The following GABRB2 variants were observed in gnomAD, a reference collection of about 807,000 sequenced individuals.
The protein encoded by GABRB2 is gamma-aminobutyric acid type A receptor subunit beta2, also known as gamma-aminobutyric acid receptor subunit beta-2.
A neutral mutation model predicts 54.7 loss-of-function variants in GABRB2; 16 were observed. The ratio of observed to expected loss-of-function variants is 0.29; its 90% CI spans 0.20 to 0.44. The LOEUF is 0.44. GABRB2 is among the 20% of genes least tolerant of loss of function. The pLI is 1.00. For missense variants in GABRB2, 355 were observed against 644.0 expected (o/e 0.55, Z 4.86); for synonymous variants, 244 against 233.8 (o/e 1.04, Z -0.40).
At chr5:161,437,216 T>C (rs990112976) in intron 4 of GABRB2, among the ~76,000 whole-genome samples, 3 of 151,826 alleles carry the variant, frequency 2.0e-5, no homozygotes, top group South Asian at 4.2e-4. Flanking sequence ...GCTGCACAGC[T>C]TGTGGCTCCA....
chr5:161,443,182 T>G (rs1247841575), intron 4 of GABRB2, among the ~76,000 whole-genome samples: 1 of 152,210 alleles, frequency 6.6e-6, no homozygotes, highest in Non-Finnish European at 1.5e-5. Flanking sequence ...TATTTTAAAT[T>G]TAGTTATATG....
intron 5 of GABRB2, among the ~76,000 whole-genome samples, chr5:161,399,421 T>G (rs570788798): frequency 2.0e-5 from 3 of 152,072 alleles, no homozygotes; most frequent in Non-Finnish European, 4.4e-5. Flanking sequence ...AGGACTGGGT[T>G]GAATGGAGAG....
At chr5:161,490,143 A>G (rs1759056614) in intron 3 of GABRB2, among the ~76,000 whole-genome samples, 1 of 151,704 alleles carries the variant, frequency 6.6e-6, no homozygotes, top group South Asian at 2.1e-4. Flanking sequence ...CCACTTACCT[A>G]TACTTACTGT....
intron 9 of GABRB2, among the ~76,000 whole-genome samples, chr5:161,296,647 AT>A (rs1237367462): frequency 1.3e-5 from 2 of 149,372 alleles, no homozygotes; most frequent in Non-Finnish European, 2.9e-5. Flanking sequence ...TAGTTACATA[AT>A]TTTTTATTCA....
intron 5 of GABRB2, among the ~76,000 whole-genome samples, chr5:161,343,825 T>C (rs920149747): frequency 6.6e-6 from 1 of 152,106 alleles, no homozygotes; most frequent in African/African-American, 2.4e-5. Context: ...GATTTGTCCA[T>C]ATGCATGGGC....
intron 9 of GABRB2, among the ~76,000 whole-genome samples, chr5:161,322,420 GA>G (rs1024314620): frequency 6.6e-6 from 1 of 152,018 alleles, no homozygotes; most frequent in African/African-American, 2.4e-5. Flanking sequence ...ACTTTTTCTA[GA>G]GACAGGATTT....
intron 4 of GABRB2, among the ~76,000 whole-genome samples, chr5:161,457,806 T>G (rs776040685): frequency 6.6e-6 from 1 of 152,204 alleles, no homozygotes; most frequent in Non-Finnish European, 1.5e-5. Context: ...TTTGCCTACA[T>G]GCATTTATGA....
At chr5:161,410,016 G>T (rs933482959) in intron 5 of GABRB2, among the ~76,000 whole-genome samples, 1 of 151,992 alleles carries the variant, frequency 6.6e-6, no homozygotes, top group African/African-American at 2.4e-5. Context: ...CCATATTTCT[G>T]CTCACAGCAA....
chr5:161,291,782 A>G lies in GABRB2; in HGVS notation c.*2299T>C, dbSNP rs1757244259. 1 of 152,560 alleles carries G rather than the reference A, an allele frequency of 6.6e-6. No homozygotes were observed. Among genetic ancestry groups the G allele is most frequent in the East Asian group, 1.9e-4 (1 of 5,192 alleles). The allele number at this position is 152,560 out of a possible 1,614,324, so 9.5% of individuals were successfully genotyped here. On this transcript the variant is annotated 3_prime_UTR_variant, in exon 10 of 10. Transcript: ENST00000393959. ...TGATTGCACATAAGAGCCCACTTCT[A>G]CACTTGGGCTCTGAGTTGACTCTAG...
At chr5:161,353,335 G>A (rs111957352) in intron 5 of GABRB2, among the ~76,000 whole-genome samples, 1,546 of 152,084 alleles carry the variant, frequency 0.01, 34 homozygotes, top group South Asian at 0.05. Flanking sequence ...CCTGTTGCAG[G>A]ACTGGACAGA....
At chr5:161,499,596 C>T (rs1330035215) in intron 3 of GABRB2, among the ~76,000 whole-genome samples, 4 of 152,164 alleles carry the variant, frequency 2.6e-5, no homozygotes, top group African/African-American at 9.7e-5. Context: ...AATGGCCATG[C>T]AGTATTTTTA....
intron 3 of GABRB2, among the ~76,000 whole-genome samples, chr5:161,476,197 T>C (rs1001882569): frequency 6.6e-6 from 1 of 151,772 alleles, no homozygotes; most frequent in Non-Finnish European, 1.5e-5. Context: ...TACAATAGTA[T>C]CAAAGAGAGT....
At chr5:161,541,038 G>A (rs1016082059) in intron 3 of GABRB2, among the ~76,000 whole-genome samples, 2 of 152,046 alleles carry the variant, frequency 1.3e-5, no homozygotes, top group African/African-American at 4.8e-5. Context: ...TAGAGACAGG[G>A]TTTCACCATG....
intron 5 of GABRB2, among the ~76,000 whole-genome samples, chr5:161,371,219 T>C (rs1755122404): frequency 6.6e-6 from 1 of 152,132 alleles, no homozygotes; most frequent in Non-Finnish European, 1.5e-5. Context: ...GGGCAGAAAC[T>C]CTCTTGAAAA....
Position 161,477,297 on chromosome 5 carries a change from AAAAAAG to A in GABRB2, c.238-17459_238-17454del, listed in dbSNP as rs1444573086. On this transcript the variant is annotated intron_variant, in intron 3 of 9. Coordinates refer to ENST00000393959, the MANE Select transcript of GABRB2 (RefSeq NM_001371727.1). ...AACAAACAAAAGCAAAAAAAAAAAA[AAAAAAG>A]AACAGTAAGTGTTGATGAAGATGTG... 1.5e-3 allele frequency among the ~76,000 whole-genome samples: 232 copies of A among 151,662 alleles called. 1 individual carries two copies. Among genetic ancestry groups the A allele is most frequent in the African/African-American group, 4.3e-3 (180 of 41,468 alleles).
At chr5:161,410,525 T>A (rs1458364181) in intron 5 of GABRB2, among the ~76,000 whole-genome samples, 4 of 152,092 alleles carry the variant, frequency 2.6e-5, no homozygotes, top group Admixed American at 2.0e-4. Context: ...AAAACCTTAC[T>A]CTATGAATGT....
chr5:161,401,685 G>A (rs1209087732), intron 5 of GABRB2, among the ~76,000 whole-genome samples: 2 of 152,130 alleles, frequency 1.3e-5, no homozygotes, highest in Non-Finnish European at 2.9e-5. Context: ...TGTCATGAAT[G>A]TAAACCAAGT....
chr5:161,541,548 G>A (rs1342348739), intron 3 of GABRB2, among the ~76,000 whole-genome samples: 1 of 152,166 alleles, frequency 6.6e-6, no homozygotes, highest in Non-Finnish European at 1.5e-5. Flanking sequence ...AATTGCTGTA[G>A]CTTCTCCATC....
chr5:161,394,339 A>G (rs1355434656), intron 5 of GABRB2, among the ~76,000 whole-genome samples: 1 of 151,958 alleles, frequency 6.6e-6, no homozygotes, highest in Admixed American at 6.6e-5. Flanking sequence ...ATACAAAGGA[A>G]GTGCAGGAAG....
Sources: gnomAD v4.1 joint callset for allele counts (sites outside exome capture counted in the v4.1 genomes callset) on GRCh38, gnomAD v4.1.1 for gene constraint, MANE v1.5 for transcripts, NCBI Gene and HGNC (gene_info 2026-07-23, HGNC 2026-07-21) for gene names.